Variants in PKD2L2 observed in about 807,000 individuals in gnomAD.
The protein encoded by PKD2L2 is polycystin-2-like protein 2.
Under a neutral mutation model 83.9 loss-of-function variants are expected in PKD2L2, and 67 were observed. The observed-to-expected ratio is 0.80, with a 90% CI of 0.66 to 0.98. The LOEUF is 0.98. Ranked by LOEUF, PKD2L2 falls within the 50% of genes least tolerant of loss-of-function variation. The pLI is 0.00. For missense variants in PKD2L2, 632 were observed against 717.2 expected, an observed-to-expected ratio of 0.88 and a Z score of 1.36; for synonymous variants, 223 against 237.8, an observed-to-expected ratio of 0.94 and a Z score of 0.57.
intron 12 of PKD2L2, among the ~76,000 whole-genome samples, chr5:137,931,411 T>C (rs1373319018): frequency 1.3e-5 from 2 of 152,212 alleles, no homozygotes; most frequent in African/African-American, 4.8e-5. Flanking sequence ...ACAGGAAATC[T>C]CATGTATACA....
At chr5:137,932,659 G>C (rs540256052) in intron 12 of PKD2L2, among the ~76,000 whole-genome samples, 33 of 152,272 alleles carry the variant, frequency 2.2e-4, no homozygotes, top group African/African-American at 7.9e-4. Flanking sequence ...TGATGAGAAG[G>C]TACCTCACTG....
At chr5:137,922,977 T>C (rs1759051140) in intron 9 of PKD2L2, among the ~76,000 whole-genome samples, 1 of 152,032 alleles carries the variant, frequency 6.6e-6, no homozygotes, top group Non-Finnish European at 1.5e-5. Flanking sequence ...GGGTTACTTT[T>C]AAAATTTGAT....
intron 14 of PKD2L2, chr5:137,941,848 C>A: frequency 9.6e-7 from 1 of 1,044,022 alleles, no homozygotes; most frequent in Non-Finnish European, 1.4e-6. Flanking sequence ...ATCCTATATG[C>A]ACAATTTCTA....
At chr5:137,910,080 G>A (rs893534460) in intron 8 of PKD2L2, among the ~76,000 whole-genome samples, 1 of 151,900 alleles carries the variant, frequency 6.6e-6, no homozygotes, top group Non-Finnish European at 1.5e-5. Flanking sequence ...AAAACAACTA[G>A]CTGGATGTGG....
chr5:137,923,512 G>T lies in PKD2L2; in HGVS notation c.1542G>T (p.Met514Ile). ...GRRLDFELGKMIKQSYKNVLE... is the reference protein window; with the variant it reads ...GRRLDFELGKIIKQSYKNVLE... ...GGCTAGATTTTGAACTTGGCAAAAT[G>T]ATTAAACAGGTAAGTCAAATTTCTT... is the stretch of plus-strand genomic sequence containing the variant. Residue 514 changes from methionine to isoleucine, a missense_variant, in exon 10 of 15, where the codon ATG (methionine) becomes ATT (isoleucine). Met to Ile is a conservative substitution (Grantham distance 10). Transcript: ENST00000508883. 7.2e-7 allele frequency: 1 copy of T among 1,396,700 alleles called. No individual in the cohort carries two copies. Among genetic ancestry groups the T allele is most frequent in the Non-Finnish European group, 1.0e-6 (1 of 982,450 alleles). The allele number at this position is 1,396,700 out of a possible 1,614,324, so 86.5% of individuals were successfully genotyped here.
At chr5:137,919,526 C>CT (rs1561696369) in intron 8 of PKD2L2, among the ~76,000 whole-genome samples, 2 of 150,448 alleles carry the variant, frequency 1.3e-5, no homozygotes, top group African/African-American at 2.4e-5. Context: ...TTTTTTTTTT[C>CT]CCCAACTCAA....
chr5:137,921,661 G>A lies in PKD2L2; in HGVS notation c.1354G>A (p.Gly452Arg), dbSNP rs1758919932. 6.3e-7 allele frequency: 1 copy of A among 1,595,792 alleles called. No homozygotes were observed. ...ATTTGCACAATTTCGAATTGTTCTTGGAGATTTTAATTTTGCTGGTATTCA... is the reference window on the plus strand; with the variant it reads ...ATTTGCACAATTTCGAATTGTTCTTAGAGATTTTAATTTTGCTGGTATTCA... ...SIFAQFRIVLGDFNFAGIQQA... is the reference protein window; with the variant it reads ...SIFAQFRIVLRDFNFAGIQQA... Residue 452 changes from glycine (G) to arginine (R), a missense_variant, in exon 9 of 15, where the codon GGA becomes AGA. By Grantham distance (125) the Gly-to-Arg change is moderately radical (BLOSUM62 -2). Coordinates refer to ENST00000508883, the MANE Select transcript of PKD2L2 (RefSeq NM_001300921.2).
intron 5 of PKD2L2, 115 bp from the exon 6 acceptor site, chr5:137,906,091 A>T (rs185744694): frequency 1.0e-4 from 64 of 618,344 alleles, no homozygotes; most frequent in Admixed American, 4.1e-4. Flanking sequence ...ATACTTTATT[A>T]AAAAAAACTG....
chr5:137,905,429 T>C (rs1273123810), intron 5 of PKD2L2, among the ~76,000 whole-genome samples: 3 of 152,224 alleles, frequency 2.0e-5, no homozygotes, highest in Non-Finnish European at 4.4e-5. Context: ...ATGTAAGTTT[T>C]ATTTGTTAAC....
chr5:137,921,383 G>T, intron 8 of PKD2L2, among the ~76,000 whole-genome samples: 1 of 142,156 alleles, frequency 7.0e-6, no homozygotes, highest in Non-Finnish European at 1.5e-5. Context: ...AAAAGTTATA[G>T]ATGAACACTG....
At chr5:137,917,318 C>T (rs1758465166) in intron 8 of PKD2L2, among the ~76,000 whole-genome samples, 1 of 152,022 alleles carries the variant, frequency 6.6e-6, no homozygotes, top group Non-Finnish European at 1.5e-5. Flanking sequence ...GCATGTGCCA[C>T]CACACCCATC....
chr5:137,889,642 C>T, intron 1 of PKD2L2, 120 bp downstream of exon 1: 1 of 781,180 alleles, frequency 1.3e-6, no homozygotes, highest in Non-Finnish European at 1.9e-6. Flanking sequence ...ACCTTTAGCC[C>T]TCACAGCCTC....
intron 12 of PKD2L2, among the ~76,000 whole-genome samples, chr5:137,930,768 A>T (rs1162345426): frequency 6.8e-6 from 1 of 147,772 alleles, no homozygotes; most frequent in Non-Finnish European, 1.5e-5. Flanking sequence ...AAAAATACTC[A>T]GAGGAAAATT....
Position 137,936,367 on chromosome 5 carries a change from A to T in PKD2L2, c.1832A>T (p.Asn611Ile). The part of the protein sequence containing the change: ...VELEKELHYI[N>I]LKLNQVVRKV... Reference sequence around the variant, plus strand: ...CTGGAGAAGGAATTACACTACATCAATTTGAAGCTAAATCAAGTGGTGAGA... The same window carrying T: ...CTGGAGAAGGAATTACACTACATCATTTTGAAGCTAAATCAAGTGGTGAGA... The change falls in exon 14 of 15, where the codon AAT (asparagine) becomes ATT (isoleucine). Residue 611 changes from asparagine to isoleucine, a missense_variant. By Grantham distance (149) the Asn-to-Ile change is moderately radical. Transcript: ENST00000508883. The T allele has an allele frequency of 6.5e-7, 1 of 1,534,114 alleles. No homozygotes were observed. The highest frequency in any genetic ancestry group is 2.4e-5 in the East Asian group (1 of 40,898).
intron 14 of PKD2L2, among the ~76,000 whole-genome samples, chr5:137,936,792 T>C (rs1760465881): frequency 6.6e-6 from 1 of 152,236 alleles, no homozygotes; most frequent in Non-Finnish European, 1.5e-5. Context: ...CTTCATAAAC[T>C]TGTGCCCTTT....
chr5:137,890,706 G>T, intron 2 of PKD2L2, 124 bp downstream of exon 2: 1 of 516,810 alleles, frequency 1.9e-6, no homozygotes, highest in Non-Finnish European at 3.4e-6. Context: ...AAAATACAGT[G>T]ACACGTTTAA....
chr5:137,925,168 T>A, intron 11 of PKD2L2, 64 bp downstream of exon 11: 1 of 1,022,218 alleles, frequency 9.8e-7, no homozygotes, highest in Non-Finnish European at 1.5e-6. Context: ...ATGAGAACCT[T>A]ATAAGGTTTT....
At chr5:137,917,885 T>C (rs1758527224) in intron 8 of PKD2L2, among the ~76,000 whole-genome samples, 1 of 152,134 alleles carries the variant, frequency 6.6e-6, no homozygotes, top group Non-Finnish European at 1.5e-5. Context: ...GTATGTCTTG[T>C]GATTTTGTGA....
At chr5:137,922,016 T>C (rs1193612094) in intron 9 of PKD2L2, among the ~76,000 whole-genome samples, 2 of 152,200 alleles carry the variant, frequency 1.3e-5, no homozygotes, top group Non-Finnish European at 2.9e-5. Context: ...ATGTCCCAAG[T>C]CTCTTCAGGC....
Sources: allele counts gnomAD v4.1 joint callset (sites outside exome capture counted in the v4.1 genomes callset), GRCh38; gene constraint gnomAD v4.1.1; transcripts MANE v1.5; gene names NCBI Gene and HGNC (gene_info 2026-07-23, HGNC 2026-07-21).